Variants in PARD3 observed in about 807,000 individuals in gnomAD.
PARD3 encodes par-3 family cell polarity regulator.
PARD3 carries 75 observed loss-of-function variants against 155.4 expected under a neutral mutation model. That is an observed-to-expected ratio of 0.48 (90% confidence interval 0.40 to 0.58). The LOEUF (loss-of-function observed/expected upper bound fraction) is 0.58. Among genes scored for constraint, PARD3 ranks in the 20% least tolerant of loss-of-function variants. The probability of loss-of-function intolerance (pLI) is 0.00; values close to 1 mark genes in which losing one functional copy is unlikely to be tolerated. For missense variants in PARD3, 1,642 were observed against 1,721.7 expected, an observed-to-expected ratio of 0.95 and a Z score of 0.82; for synonymous variants, 576 against 610.5, an observed-to-expected ratio of 0.94 and a Z score of 0.83.
intron 22 of PARD3, among the ~76,000 whole-genome samples, chr10:34,223,442 T>C (rs1331559793): frequency 2.0e-5 from 3 of 152,166 alleles, no homozygotes; most frequent in African/African-American, 7.2e-5. Flanking sequence ...TACTATTGAA[T>C]CAGTGTGTTT....
In PARD3 at chr10:34,723,418, C is replaced by T. The variant is rs570414003; in HGVS notation, c.121-26999G>A. Among the ~76,000 whole-genome samples the T allele has an allele frequency of 2.0e-4, 31 of 152,294 alleles. 1 individual carries two copies. The highest frequency in any genetic ancestry group is 7.5e-4 in the African/African-American group (31 of 41,562). On this transcript the variant is annotated intron_variant, in intron 1 of 24. Transcript: ENST00000374788. ...TGGCTGAAACAGCCAGAGAGACACA[C>T]AGAAGCAAAGTCACTATGTTTATTA...
intron 12 of PARD3, among the ~76,000 whole-genome samples, chr10:34,364,422 C>G (rs1465343936): frequency 6.6e-6 from 1 of 151,736 alleles, no homozygotes; most frequent in Non-Finnish European, 1.5e-5. Flanking sequence ...CTGCCCTTAT[C>G]TACAGAATTA....
intron 2 of PARD3, among the ~76,000 whole-genome samples, chr10:34,576,998 T>C (rs1461332656): frequency 6.6e-6 from 1 of 152,116 alleles, no homozygotes; most frequent in Non-Finnish European, 1.5e-5. Flanking sequence ...CCGTTGAGAG[T>C]GTGGCTAAGT....
At chr10:34,330,782 C>A (rs1835537185) in intron 19 of PARD3, among the ~76,000 whole-genome samples, 1 of 152,006 alleles carries the variant, frequency 6.6e-6, no homozygotes, top group African/African-American at 2.4e-5. Context: ...TATATATATT[C>A]CAAAAGAAGT....
intron 1 of PARD3, among the ~76,000 whole-genome samples, chr10:34,756,478 A>T (rs1184114489): frequency 3.0e-3 from 48 of 15,846 alleles, no homozygotes; most frequent in Middle Eastern, 0.036. Context: ...TTTTTCTTAT[A>T]AAAAAAAAAA....
chr10:34,233,412 C>T (rs192102240), intron 22 of PARD3, among the ~76,000 whole-genome samples: 3 of 152,116 alleles, frequency 2.0e-5, no homozygotes, highest in East Asian at 3.9e-4. Context: ...TCTCTCTCTT[C>T]CATTCTCTCC....
rs369698121 is a variant in PARD3 at position 34,360,410 on chromosome 10, C to G, written c.1708-151G>C. 37 of 561,420 alleles carry G rather than the reference C, an allele frequency of 6.6e-5. 1 individual carries two copies. The highest frequency in any genetic ancestry group is 6.3e-4 in the African/African-American group (34 of 53,754). The allele number at this position is 561,420 out of a possible 1,614,324, so 34.8% of individuals were successfully genotyped here. Reference sequence around the variant, plus strand: ...AGCAAGATCCATGAAAACACTACATCTGCACCCACTCCAGAAGATTCTTGG... The same window carrying G: ...AGCAAGATCCATGAAAACACTACATGTGCACCCACTCCAGAAGATTCTTGG... On this transcript the variant is annotated intron_variant, in intron 12 of 24. Coordinates refer to ENST00000374788, the MANE Select transcript of PARD3 (RefSeq NM_001184785.2).
chr10:34,274,238 A>G (rs1454338734), intron 21 of PARD3, among the ~76,000 whole-genome samples: 1 of 152,206 alleles, frequency 6.6e-6, no homozygotes, highest in African/African-American at 2.4e-5. Context: ...CTAATGTCAA[A>G]TTTAGCTAAA....
intron 5 of PARD3, among the ~76,000 whole-genome samples, chr10:34,432,039 C>A (rs2075948646): frequency 1.0e-4 from 1 of 9,662 alleles, no homozygotes; most frequent in Non-Finnish European, 2.1e-4. Flanking sequence ...GAGACTCTGT[C>A]TCAAAAAAAA....
intron 2 of PARD3, among the ~76,000 whole-genome samples, chr10:34,637,725 A>C (rs11009844): frequency 0.24 from 37,175 of 152,066 alleles, 5,662 homozygotes; most frequent in East Asian, 0.4. Context: ...GGGAATCAGC[A>C]CCTCTGCATC....
At chr10:34,740,086 GGCGACA>G (rs1433306342) in intron 1 of PARD3, among the ~76,000 whole-genome samples, 3 of 152,194 alleles carry the variant, frequency 2.0e-5, no homozygotes, top group Non-Finnish European at 4.4e-5. Flanking sequence ...AAAACACAAA[GGCGACA>G]GCTGGTGAGA....
chr10:34,279,780 A>G (rs2133909965), intron 21 of PARD3, among the ~76,000 whole-genome samples: 1 of 152,348 alleles, frequency 6.6e-6, no homozygotes, highest in African/African-American at 2.4e-5. Flanking sequence ...AAGGACACAG[A>G]TAGTTCAACG....
intron 16 of PARD3, among the ~76,000 whole-genome samples, chr10:34,338,144 A>G (rs939351908): frequency 2.0e-5 from 3 of 152,260 alleles, no homozygotes; most frequent in African/African-American, 4.8e-5. Flanking sequence ...AATAAACAGT[A>G]TATGAGAATC....
chr10:34,625,958 T>C (rs779693559), intron 2 of PARD3, among the ~76,000 whole-genome samples: 4 of 152,178 alleles, frequency 2.6e-5, no homozygotes, highest in Non-Finnish European at 4.4e-5. Flanking sequence ...CCCATCTTAA[T>C]GTGGGGACAG....
rs115717704 is a variant in PARD3, at chr10:34,260,077, C to A, written c.3419+9580G>T. On this transcript the variant is annotated intron_variant, in intron 22 of 24. Coordinates refer to ENST00000374788, the MANE Select transcript of PARD3 (RefSeq NM_001184785.2). ...CTGATTTCGAACTCCTGGGCTCAAG[C>A]AATCCTCCTATGTCAGCCTTCCAAG... Among the ~76,000 whole-genome samples, 1,512 of 152,242 alleles carry A rather than the reference C, an allele frequency of 9.9e-3. 31 individuals are homozygous for A. The highest frequency in any genetic ancestry group is 0.035 in the African/African-American group (1,446 of 41,536).
At chr10:34,593,905 G>A (rs1039876079) in intron 2 of PARD3, among the ~76,000 whole-genome samples, 1 of 152,188 alleles carries the variant, frequency 6.6e-6, no homozygotes, top group Non-Finnish European at 1.5e-5. Context: ...GGAGATTTCT[G>A]AGAAGCCTTA....
At chr10:34,301,816 TTC>T (rs1182798887) in intron 20 of PARD3, among the ~76,000 whole-genome samples, 184 of 56,180 alleles carry the variant, frequency 3.3e-3, no homozygotes, top group Admixed American at 5.2e-3. Flanking sequence ...TCTTTCTCCT[TTC>T]TTTTTTTTTT....
Position 34,111,439 on chromosome 10 carries a change from G to A in PARD3, c.3792C>T (p.Asn1264=), listed in dbSNP as rs762535928. The stretch of plus-strand genomic sequence containing the variant: ...TGAAGCCATGTCCTCCCAGGTAGCC[G>A]TTCCTGGAGCCTTGGTAGCTGGAGT... ...PRYSSYQGSR[N]GYLGGHGFNA... is the part of the protein sequence containing the mutation. The change falls in exon 25 of 25, where the codon AAC becomes AAT. Residue 1264 remains asparagine (N), a synonymous_variant. Transcript: ENST00000374788. The A allele has an allele frequency of 1.7e-5, 27 of 1,614,144 alleles. No homozygotes were observed. Among genetic ancestry groups the A allele is most frequent in the Admixed American group, 5.0e-5 (3 of 60,020 alleles).
chr10:34,681,872 T>G (rs1325301749), intron 2 of PARD3, among the ~76,000 whole-genome samples: 1 of 143,352 alleles, frequency 7.0e-6, no homozygotes, highest in African/African-American at 2.6e-5. Flanking sequence ...CCTCCCACTT[T>G]GGCCTCCCAA....
Sources: allele counts gnomAD v4.1 joint callset (sites outside exome capture counted in the v4.1 genomes callset), GRCh38; gene constraint gnomAD v4.1.1; transcripts MANE v1.5; gene names NCBI Gene and HGNC (gene_info 2026-07-23, HGNC 2026-07-21).